Variants in MGMT observed in about 807,000 individuals in gnomAD.
MGMT encodes O-6-methylguanine-DNA methyltransferase, also known as methylated-DNA--protein-cysteine methyltransferase.
Under a neutral mutation model 15.9 loss-of-function variants are expected in MGMT, and 14 were observed. The observed-to-expected ratio is 0.88, with a 90% confidence interval of 0.58 to 1.37. MGMT has a LOEUF of 1.37. Ranked by LOEUF, MGMT falls within the 40% of genes most tolerant of loss-of-function variation. The probability of loss-of-function intolerance (pLI) is 0.00; values close to 1 mark genes in which losing one functional copy is unlikely to be tolerated. For missense variants in MGMT, 282 were observed against 268.1 expected (o/e 1.05, Z -0.36); for synonymous variants, 130 against 118.2 (o/e 1.10, Z -0.65).
intron 3 of MGMT, among the ~76,000 whole-genome samples, chr10:129,736,492 TGATGG>T (rs1379065654): frequency 1.4e-5 from 2 of 146,788 alleles, no homozygotes; most frequent in East Asian, 4.3e-4. Flanking sequence ...TACAGCACAC[TGATGG>T]GTCTTGACTC....
At chr10:129,608,126 A>G (rs767822912) in intron 2 of MGMT, among the ~76,000 whole-genome samples, 2 of 152,252 alleles carry the variant, frequency 1.3e-5, no homozygotes, top group Non-Finnish European at 2.9e-5. Context: ...AGGGTATAGT[A>G]CATGTTTATA....
chr10:129,639,535 T>C (rs1023591036), intron 2 of MGMT, among the ~76,000 whole-genome samples: 6 of 152,198 alleles, frequency 3.9e-5, no homozygotes, highest in Admixed American at 3.9e-4. Flanking sequence ...TGGAATACAC[T>C]TAACAAAGGC....
chr10:129,683,468 G>A (rs1169299680), intron 2 of MGMT, among the ~76,000 whole-genome samples: 4 of 152,192 alleles, frequency 2.6e-5, no homozygotes, highest in African/African-American at 9.6e-5. Flanking sequence ...AAATGCCCGG[G>A]TGAGTGCTAG....
At position 129,575,816 on chromosome 10, in the gene MGMT, G is replaced by A. The variant is rs1316632785; in HGVS notation, c.125+39439G>A. ...GACTAATAAAGAAGAAAAGAGAGAA[G>A]AATCAAATAGACGCAATAAAAAATG... On this transcript the variant is annotated intron_variant, in intron 2 of 4. Coordinates refer to ENST00000651593, the MANE Select transcript of MGMT (RefSeq NM_002412.5). 2.6e-5 allele frequency among the ~76,000 whole-genome samples: 4 copies of A among 151,760 alleles called. No individual in the cohort carries two copies. The East Asian group carries it at 7.7e-4, about 29-fold the overall frequency.
rs149679971 is a variant in MGMT at position 129,497,599 on chromosome 10, G to C, written c.-13+30303G>C. On this transcript the variant is annotated intron_variant, in intron 1 of 4. Transcript: ENST00000651593. ...ACCTCACACTTACCACAACCAGGGCGCTAACACGGGTGCACTACTGTAAAC... is the reference window on the plus strand; with the variant it reads ...ACCTCACACTTACCACAACCAGGGCCCTAACACGGGTGCACTACTGTAAAC... Among the ~76,000 whole-genome samples the C allele has an allele frequency of 2.6e-3, 394 of 152,276 alleles. 1 individual carries two copies. Among genetic ancestry groups the C allele is most frequent in the African/African-American group, 9.1e-3 (377 of 41,556 alleles).
intron 2 of MGMT, among the ~76,000 whole-genome samples, chr10:129,539,668 G>T (rs112298016): frequency 6.6e-6 from 1 of 152,028 alleles, no homozygotes; most frequent in Non-Finnish European, 1.5e-5. Flanking sequence ...TGCCACGCCC[G>T]GCTAAATTTT....
intron 2 of MGMT, among the ~76,000 whole-genome samples, chr10:129,573,806 A>G (rs1036578443): frequency 6.6e-6 from 1 of 152,212 alleles, no homozygotes; most frequent in Admixed American, 6.5e-5. Flanking sequence ...GTGGTACTTC[A>G]TATATGAAAG....
rs761473628 is a variant in MGMT at position 129,707,879 on chromosome 10, G to A, written c.126-16G>A. The A allele has an allele frequency of 6.2e-7, 1 of 1,610,110 alleles. No homozygotes were observed. On this transcript the variant is annotated splice_polypyrimidine_tract_variant and intron_variant, in intron 2 of 4. Transcript: ENST00000651593. ...GGGCCCAGAGGTTTACTAAGCCCCT[G>A]TTCTCACTTTTGCAGTGCCGTGGAG...
At chr10:129,714,276 A>G (rs1848268059) in intron 3 of MGMT, among the ~76,000 whole-genome samples, 1 of 152,246 alleles carries the variant, frequency 6.6e-6, no homozygotes, top group Admixed American at 6.5e-5. Flanking sequence ...GGTGAATTTC[A>G]TGGGCCAAAG....
rs559127693 is a variant in MGMT, at chr10:129,657,367, ATACT to A, written c.126-50525_126-50522del. Among the ~76,000 whole-genome samples the A allele has an allele frequency of 1.1e-3, 163 of 144,542 alleles. 1 individual carries two copies. The highest frequency in any genetic ancestry group is 2.0e-3 in the Non-Finnish European group (132 of 66,460). 94.8% of individuals were successfully genotyped at this position (144,542 alleles called of 152,430 possible). On this transcript the variant is annotated intron_variant, in intron 2 of 4. Coordinates refer to ENST00000651593, the MANE Select transcript of MGMT (RefSeq NM_002412.5). ...CAGCTTCCTTTAATTAATGTAACAA[ATACT>A]TAGCAAGGACCTCCTGCATTCTAGG...
intron 2 of MGMT, among the ~76,000 whole-genome samples, chr10:129,692,963 T>TC (rs901342902): frequency 2.0e-5 from 3 of 152,244 alleles, no homozygotes; most frequent in Non-Finnish European, 2.9e-5. Context: ...TGGACGCCAC[T>TC]CGCTGGCAAA....
In MGMT at chr10:129,699,225, T is replaced by A. The variant is rs145553138; in HGVS notation, c.126-8670T>A. ...CTTTCTGATCTGCCAAGTATACTAT[T>A]TGGGTTGTCTTTTAAAAATATTTTC... On this transcript the variant is annotated intron_variant, in intron 2 of 4. Coordinates refer to ENST00000651593, the MANE Select transcript of MGMT (RefSeq NM_002412.5). 3.0e-3 allele frequency among the ~76,000 whole-genome samples: 454 copies of A among 152,322 alleles called. 17 individuals carry two copies. The highest frequency in any genetic ancestry group is 0.026 in the Admixed American group (401 of 15,306).
chr10:129,506,355 G>A (rs1366324214), intron 1 of MGMT, among the ~76,000 whole-genome samples: 1 of 152,094 alleles, frequency 6.6e-6, no homozygotes, highest in Admixed American at 6.5e-5. Flanking sequence ...ATCCTCTTGG[G>A]CAGGATTCTC....
At chr10:129,529,501 C>A (rs987772751) in intron 1 of MGMT, among the ~76,000 whole-genome samples, 1 of 152,152 alleles carries the variant, frequency 6.6e-6, no homozygotes, top group East Asian at 1.9e-4. Flanking sequence ...CTGGCTCACC[C>A]GCTGCTTACC....
At chr10:129,704,898 C>T (rs1016777147) in intron 2 of MGMT, among the ~76,000 whole-genome samples, 2 of 152,162 alleles carry the variant, frequency 1.3e-5, no homozygotes, top group East Asian at 1.9e-4. Flanking sequence ...GGTCTTCCGT[C>T]GCCGCCCCTG....
intron 3 of MGMT, among the ~76,000 whole-genome samples, chr10:129,731,098 T>G (rs1269506688): frequency 1.3e-5 from 2 of 152,138 alleles, no homozygotes; most frequent in Non-Finnish European, 2.9e-5. Context: ...TTCCGAGGGC[T>G]GGTAGCATAA....
At chr10:129,572,213 A>G (rs1056326144) in intron 2 of MGMT, among the ~76,000 whole-genome samples, 1 of 152,222 alleles carries the variant, frequency 6.6e-6, no homozygotes, top group African/African-American at 2.4e-5. Flanking sequence ...GTTAAGATCA[A>G]GTTATCTTAG....
At chr10:129,650,899 G>T (rs1193552631) in intron 2 of MGMT, among the ~76,000 whole-genome samples, 2 of 152,176 alleles carry the variant, frequency 1.3e-5, no homozygotes, top group Non-Finnish European at 2.9e-5. Context: ...AGCTGCCCCT[G>T]CCTGCCATGG....
At chr10:129,594,667 G>A (rs1198866423) in intron 2 of MGMT, among the ~76,000 whole-genome samples, 2 of 152,122 alleles carry the variant, frequency 1.3e-5, no homozygotes, top group South Asian at 2.1e-4. Context: ...AAGACAATAC[G>A]AACAGTAACA....
Sources: gnomAD v4.1 joint callset for allele counts (sites outside exome capture counted in the v4.1 genomes callset) on GRCh38, gnomAD v4.1.1 for gene constraint, MANE v1.5 for transcripts, NCBI Gene and HGNC (gene_info 2026-07-23, HGNC 2026-07-21) for gene names.